Variants in AK5 observed in about 807,000 individuals in gnomAD.
The protein encoded by AK5 is adenylate kinase 5.
In AK5, 27 loss-of-function variants were observed where a neutral mutation model predicts 69.5. The ratio of observed to expected loss-of-function variants is 0.39; its 90% CI spans 0.29 to 0.54. The LOEUF is 0.54. Among genes scored for constraint, AK5 ranks in the 20% least tolerant of loss-of-function variants. The pLI, the probability that AK5 is intolerant of heterozygous loss-of-function variation, is 0.71. For missense variants in AK5, 531 were observed against 700.4 expected (o/e 0.76, Z 2.73); for synonymous variants, 260 against 244.4 (o/e 1.06, Z -0.60).
chr1:77,333,378 A>AT (rs945520791), intron 5 of AK5, among the ~76,000 whole-genome samples: 2 of 152,078 alleles, frequency 1.3e-5, no homozygotes, highest in African/African-American at 4.8e-5. Context: ...TCCAGTTCAT[A>AT]TTTTTTTAAT....
intron 13 of AK5, among the ~76,000 whole-genome samples, chr1:77,548,470 G>C (rs946390274): frequency 5.3e-5 from 8 of 152,200 alleles, no homozygotes; most frequent in Non-Finnish European, 1.0e-4. Flanking sequence ...GGATCCCTGT[G>C]GTGTGAGGCT....
At chr1:77,299,505 C>T (rs371787407) in intron 5 of AK5, among the ~76,000 whole-genome samples, 5 of 152,058 alleles carry the variant, frequency 3.3e-5, no homozygotes, top group African/African-American at 1.2e-4. Flanking sequence ...TTTTGGATCA[C>T]CTATTGTGCT....
intron 8 of AK5, among the ~76,000 whole-genome samples, chr1:77,448,754 C>A (rs1374056895): frequency 6.6e-6 from 1 of 152,182 alleles, no homozygotes; most frequent in African/African-American, 2.4e-5. Flanking sequence ...AGCTGTGGCC[C>A]TCTGGGGAAC....
intron 10 of AK5, among the ~76,000 whole-genome samples, chr1:77,512,821 A>ATAC (rs760747212): frequency 6.6e-6 from 1 of 152,192 alleles, no homozygotes; most frequent in South Asian, 2.1e-4. Context: ...ACACCATGGA[A>ATAC]TACTATGCAG....
intron 6 of AK5, among the ~76,000 whole-genome samples, chr1:77,379,246 G>C (rs537428704): frequency 1.3e-5 from 2 of 152,210 alleles, no homozygotes; most frequent in African/African-American, 2.4e-5. Context: ...CCTCCCTTGC[G>C]ATGGATGCAG....
chr1:77,453,667 A>C (rs535762785), intron 8 of AK5, among the ~76,000 whole-genome samples: 3 of 152,302 alleles, frequency 2.0e-5, no homozygotes, highest in African/African-American at 4.8e-5. Flanking sequence ...TCTTGCCTCT[A>C]CTATATTTCT....
intron 8 of AK5, among the ~76,000 whole-genome samples, chr1:77,444,290 GTA>G (rs56952583): frequency 0.017 from 864 of 49,582 alleles, 130 homozygotes; most frequent in Middle Eastern, 0.059. Context: ...CAACATATGT[GTA>G]TATATATAGT....
At chr1:77,372,171 G>A (rs1647133140) in intron 6 of AK5, among the ~76,000 whole-genome samples, 1 of 144,186 alleles carries the variant, frequency 6.9e-6, no homozygotes, top group South Asian at 2.1e-4. Context: ...AATAACACTA[G>A]ATTTAAAACA....
At chr1:77,453,431 A>G (rs1025975437) in intron 8 of AK5, among the ~76,000 whole-genome samples, 1 of 152,214 alleles carries the variant, frequency 6.6e-6, no homozygotes, top group East Asian at 1.9e-4. Context: ...TGTTCAATCT[A>G]TGCTGATAAT....
intron 5 of AK5, chr1:77,313,814 C>T: frequency 1.9e-6 from 1 of 532,970 alleles, no homozygotes; most frequent in South Asian, 1.4e-5. Flanking sequence ...CGCCCTCAGA[C>T]AAAGATGCCT....
chr1:77,486,177 C>A (rs1655573846), intron 9 of AK5, 131 bp from the exon 10 acceptor site: 2 of 615,938 alleles, frequency 3.2e-6, no homozygotes, highest in East Asian at 3.1e-5. Flanking sequence ...GTAGCCTATT[C>A]ACACATTTAT....
At chr1:77,539,454 G>A (rs922091962) in intron 13 of AK5, among the ~76,000 whole-genome samples, 1 of 152,186 alleles carries the variant, frequency 6.6e-6, no homozygotes, top group Non-Finnish European at 1.5e-5. Context: ...GTCTCAGGGA[G>A]GCTGCTTCAT....
chr1:77,351,450 A>T (rs1027846862), intron 6 of AK5, among the ~76,000 whole-genome samples: 5 of 152,196 alleles, frequency 3.3e-5, no homozygotes, highest in South Asian at 2.1e-4. Flanking sequence ...GGTTTATTTG[A>T]TGTGTGTAAA....
At chr1:77,505,122 G>A (rs995621758) in intron 10 of AK5, among the ~76,000 whole-genome samples, 3 of 152,138 alleles carry the variant, frequency 2.0e-5, no homozygotes, top group Non-Finnish European at 4.4e-5. Flanking sequence ...AAGACTTCCA[G>A]TTTCCGTGAT....
intron 8 of AK5, among the ~76,000 whole-genome samples, chr1:77,432,405 G>T (rs1218467881): frequency 6.6e-6 from 1 of 152,126 alleles, no homozygotes; most frequent in East Asian, 1.9e-4. Flanking sequence ...GTTCAGTTTT[G>T]TCTATTCCAT....
intron 8 of AK5, among the ~76,000 whole-genome samples, chr1:77,451,058 C>T (rs1400880969): frequency 6.6e-6 from 1 of 151,694 alleles, no homozygotes; most frequent in Admixed American, 6.6e-5. Context: ...TGCCTGTAGC[C>T]CTAGCTATTC....
In AK5 at chr1:77,358,018, TGAGA is replaced by T. The variant is rs1553138076; in HGVS notation, c.891+17469_891+17472del. 5.3e-3 allele frequency among the ~76,000 whole-genome samples: 685 copies of T among 128,266 alleles called. 2 individuals carry two copies. The highest frequency in any genetic ancestry group is 0.018 in the African/African-American group (649 of 36,320). 84.1% of individuals were successfully genotyped at this position (128,266 alleles called of 152,430 possible). A position where few individuals can be genotyped will look rare whatever the true frequency, so the allele number is the denominator to read the frequency against. ...GTGTGTGTGTGTGTGTGTGTGTGTG[TGAGA>T]GAGAGAGAGAGAGAGAGACAGAGAG... On this transcript the variant is annotated intron_variant, in intron 6 of 13. Transcript: ENST00000354567.
chr1:77,423,787 AT>A (rs1169861780), intron 8 of AK5, among the ~76,000 whole-genome samples: 4 of 152,030 alleles, frequency 2.6e-5, no homozygotes, highest in Non-Finnish European at 5.9e-5. Flanking sequence ...CTCACAGTGA[AT>A]ATCTGGAAAA....
intron 8 of AK5, among the ~76,000 whole-genome samples, chr1:77,474,209 C>A (rs956207930): frequency 6.6e-6 from 1 of 152,190 alleles, no homozygotes; most frequent in South Asian, 2.1e-4. Flanking sequence ...CAGTCTCTCC[C>A]GAATGTCTCC....
Sources: gnomAD v4.1 joint callset for allele counts (sites outside exome capture counted in the v4.1 genomes callset) on GRCh38, gnomAD v4.1.1 for gene constraint, MANE v1.5 for transcripts, NCBI Gene and HGNC (gene_info 2026-07-23, HGNC 2026-07-21) for gene names.